Variants in SMARCE1 observed in about 807,000 individuals in gnomAD.
SMARCE1 encodes the protein SWI/SNF related BAF chromatin remodeling complex subunit E1, also known as SWI/SNF-related matrix-associated actin-dependent regulator of chromatin subfamily E member 1.
SMARCE1 carries 13 observed loss-of-function variants against 54.9 expected under a neutral mutation model. The ratio of observed to expected loss-of-function variants is 0.24; its 90% CI spans 0.15 to 0.38. The LOEUF (loss-of-function observed/expected upper bound fraction) is 0.38, where lower values mean the gene tolerates loss of function less well. Ranked by LOEUF, SMARCE1 falls within the 10% of genes least tolerant of loss-of-function variation. The probability of loss-of-function intolerance (pLI) is 1.00; values close to 1 mark genes in which losing one functional copy is unlikely to be tolerated. For synonymous variants in SMARCE1, 151 were observed against 175.3 expected (o/e 0.86, Z 1.10); for missense variants, 295 against 523.8 (o/e 0.56, Z 4.26).
intron 4 of SMARCE1, among the ~76,000 whole-genome samples, chr17:40,638,418 G>A (rs546953034): frequency 6.6e-6 from 1 of 151,866 alleles, no homozygotes; most frequent in Non-Finnish European, 1.5e-5. Flanking sequence ...GGAGGCGGAG[G>A]GAAGACTGAA....
intron 7 of SMARCE1, chr17:40,634,106 T>G (rs1390609607): frequency 6.6e-6 from 1 of 152,292 alleles, no homozygotes; most frequent in African/African-American, 2.4e-5. Context: ...CATTGTCTTG[T>G]GTGGATAATT....
intron 7 of SMARCE1, chr17:40,633,116 T>C (rs1192915938): frequency 6.6e-6 from 1 of 152,220 alleles, no homozygotes; most frequent in Non-Finnish European, 1.5e-5. Context: ...TTCAAGTGAT[T>C]CTTGTGCCTC....
rs534661500 is a variant in SMARCE1 at position 40,642,574 on chromosome 17, T to C, written c.52-15A>G. On this transcript the variant is annotated splice_polypyrimidine_tract_variant and intron_variant, in intron 3 of 10. Coordinates refer to ENST00000348513, the MANE Select transcript of SMARCE1 (RefSeq NM_003079.5). The surrounding 1 kb of genome is among the most constrained non-coding windows in gnomAD (Gnocchi z 4.6). ...CTGGGCATTTGCTGATGGAAACAAA[T>C]GAGACAAAAACACGAATGAGAAATG... 3.4e-6 allele frequency: 5 copies of C among 1,482,530 alleles called. No homozygotes were observed. In the African/African-American group the frequency reaches 5.5e-5, roughly 16 times the overall value. The allele number at this position is 1,482,530 out of a possible 1,614,324, so 91.8% of individuals were successfully genotyped here. A position where few individuals can be genotyped will look rare whatever the true frequency, so the allele number is the denominator to read the frequency against.
At chr17:40,646,235 G>C (rs544710423) in intron 1 of SMARCE1, among the ~76,000 whole-genome samples, 1 of 152,322 alleles carries the variant, frequency 6.6e-6, no homozygotes, top group African/African-American at 2.4e-5. Flanking sequence ...ACAGCTCCCT[G>C]ATCAGCAACT....
chr17:40,635,916 C>CTTTTT lies in SMARCE1; in HGVS notation c.541+10_541+14dup. On this transcript the variant is annotated intron_variant, in intron 7 of 10. Coordinates refer to ENST00000348513, the MANE Select transcript of SMARCE1 (RefSeq NM_003079.5). ...CAGAGAAAGCATAAACAAAACCCCA[C>CTTTTT]TTTTTTTCTTTTACCATCTGGATCT... 6.5e-7 allele frequency: 1 copy of CTTTTT among 1,543,396 alleles called. No individual in the cohort carries two copies. The highest frequency in any genetic ancestry group is 1.3e-5 in the South Asian group (1 of 77,740).
At chr17:40,637,277 TA>T in intron 5 of SMARCE1, 1 of 568,126 alleles carries the variant, frequency 1.8e-6, no homozygotes, top group Non-Finnish European at 3.2e-6. Context: ...CATTCTATCT[TA>T]AGGATTTTAA....
chr17:40,631,466 T>C, intron 9 of SMARCE1, 126 bp downstream of exon 9: 2 of 597,254 alleles, frequency 3.3e-6, no homozygotes, highest in Non-Finnish European at 5.9e-6. Context: ...TACAGGTTTA[T>C]AATAAAGTTA....
intron 9 of SMARCE1, chr17:40,631,177 G>A (rs2037091566): frequency 2.4e-6 from 1 of 409,494 alleles, no homozygotes; most frequent in South Asian, 5.3e-5. Context: ...GCAAAATAGT[G>A]AAAGTTCTGG....
At chr17:40,631,148 T>TG in intron 9 of SMARCE1, 1 of 463,598 alleles carries the variant, frequency 2.2e-6, no homozygotes, top group South Asian at 4.1e-5. Flanking sequence ...ATATAGGATA[T>TG]TCCAGAGCAG....
At position 40,628,620 on chromosome 17, in the gene SMARCE1, G is replaced by C. The variant is rs1359890261; in HGVS notation, c.*165C>G. 3 of 586,754 alleles carry C rather than the reference G, an allele frequency of 5.1e-6. No homozygotes were observed. The highest frequency in any genetic ancestry group is 9.1e-6 in the Non-Finnish European group (3 of 329,172). The allele number at this position is 586,754 out of a possible 1,614,324, so 36.3% of individuals were successfully genotyped here. On this transcript the variant is annotated 3_prime_UTR_variant, in exon 11 of 11. Coordinates refer to ENST00000348513, the MANE Select transcript of SMARCE1 (RefSeq NM_003079.5). ...CATCTTCACAACACTTAAGAAAGGT[G>C]ACTGACTGAGCCATTAGGCTCATGA... is the stretch of plus-strand genomic sequence containing the variant.
chr17:40,647,209 C>G (rs186614841), intron 1 of SMARCE1: 14 of 152,234 alleles, frequency 9.2e-5, no homozygotes, highest in African/African-American at 2.2e-4. Flanking sequence ...ATACGGGGTA[C>G]GCTTATGACA....
intron 6 of SMARCE1, 53 bp from the exon 7 acceptor site, chr17:40,636,155 G>A (rs1597746170): frequency 1.4e-6 from 2 of 1,404,292 alleles, no homozygotes; most frequent in Non-Finnish European, 2.0e-6. Context: ...AGGTTATAAT[G>A]CAGACCTATG....
chr17:40,645,393 G>A, intron 3 of SMARCE1, 183 bp downstream of exon 3: 1 of 487,160 alleles, frequency 2.1e-6, no homozygotes. Context: ...TTAAATGTTG[G>A]GGTTGGTTCA....
At chr17:40,637,380 C>T in intron 5 of SMARCE1, 112 bp downstream of exon 5, 1 of 879,606 alleles carries the variant, frequency 1.1e-6, no homozygotes, top group South Asian at 1.4e-5. Flanking sequence ...TTTTTTGGAC[C>T]TTTCCTCTGA....
At chr17:40,635,618 T>C (rs773048202) in intron 7 of SMARCE1, 6 of 188,440 alleles carry the variant, frequency 3.2e-5, no homozygotes, top group African/African-American at 7.0e-5. Context: ...ATAATTAGAA[T>C]GCATTTAGCT....
intron 10 of SMARCE1, chr17:40,629,808 G>A (rs1278703849): frequency 1.6e-5 from 6 of 385,542 alleles, no homozygotes. Context: ...ATGTGCTCAT[G>A]CTCCAAATTC....
chr17:40,633,043 CTT>C (rs930742642), intron 7 of SMARCE1: 3 of 152,192 alleles, frequency 2.0e-5, no homozygotes, highest in African/African-American at 7.2e-5. Context: ...GAATCTCCCT[CTT>C]GTTACCCAGG....
chr17:40,631,505 T>TGTTGG, intron 9 of SMARCE1, 87 bp downstream of exon 9: 1 of 722,718 alleles, frequency 1.4e-6, no homozygotes, highest in East Asian at 2.6e-5. Flanking sequence ...CAACATTCAA[T>TGTTGG]AAAAACACTA....
intron 5 of SMARCE1, chr17:40,637,269 T>G (rs2143999005): frequency 9.1e-6 from 5 of 550,582 alleles, no homozygotes; most frequent in South Asian, 8.1e-5. Context: ...CTATAGAACA[T>G]TCTATCTTAA....
Sources: allele counts gnomAD v4.1 joint callset (sites outside exome capture counted in the v4.1 genomes callset), GRCh38; gene constraint gnomAD v4.1.1; non-coding constraint Gnocchi (gnomAD v3.1); transcripts MANE v1.5; gene names NCBI Gene and HGNC (gene_info 2026-07-23, HGNC 2026-07-21).